Variants in STARD10 observed in about 807,000 individuals in gnomAD.
STARD10 encodes StAR related lipid transfer domain containing 10.
STARD10 carries 24 observed loss-of-function variants against 36.0 expected under a neutral mutation model. That is an observed-to-expected ratio of 0.67 (90% CI 0.48 to 0.94). The LOEUF is 0.94. STARD10 is among the 40% of genes least tolerant of loss of function. The pLI is 0.00. For synonymous variants in STARD10, 156 were observed against 161.9 expected (o/e 0.96, Z 0.28); for missense variants, 335 against 396.6 (o/e 0.84, Z 1.32).
At position 72,755,741 on chromosome 11, in the gene STARD10, T is replaced by G. The variant is rs754719737; in HGVS notation, c.590A>C (p.Lys197Thr). 5 of 1,613,210 alleles carry G rather than the reference T, an allele frequency of 3.1e-6. No homozygotes were observed. In the East Asian group the frequency reaches 1.1e-4, roughly 36 times the overall value. ...CTGAGAAGATTTATTCACCACCCACTTGGGTAAGGAGCCTGTGAGGGCAGG... is the reference window on the plus strand; with the variant it reads ...CTGAGAAGATTTATTCACCACCCACGTGGGTAAGGAGCCTGTGAGGGCAGG... ...AQVDPKGSLPKWVVNKSSQFL... is the reference protein window; with the variant it reads ...AQVDPKGSLPTWVVNKSSQFL... Residue 197 changes from lysine to threonine, a missense_variant, in exon 6 of 7, where the codon AAG becomes ACG. Coordinates refer to ENST00000334805, the MANE Select transcript of STARD10 (RefSeq NM_006645.3).
chr11:72,776,193 C>T (rs756931482), intron 2 of STARD10, among the ~76,000 whole-genome samples: 3 of 152,150 alleles, frequency 2.0e-5, no homozygotes, highest in Admixed American at 6.5e-5. Flanking sequence ...CTGGCAAGAC[C>T]TTAGCCACCA....
intron 2 of STARD10, chr11:72,780,661 G>T: frequency 2.3e-6 from 1 of 438,988 alleles, no homozygotes; most frequent in Non-Finnish European, 4.3e-6. Flanking sequence ...CAGCAGAGGG[G>T]TCCCTGAGGG....
rs1305019622 is a variant in STARD10, at chr11:72,793,757, T to C, written c.-996A>G. ...GGCCGCGAAGCCCCGCGTTTGCGCG[T>C]GCGCTTCCCGCCCGGGACCGCCCAG... is the stretch of plus-strand genomic sequence containing the variant. On this transcript the variant is annotated 5_prime_UTR_variant, in exon 1 of 7. Coordinates refer to ENST00000334805, the MANE Select transcript of STARD10 (RefSeq NM_006645.3). The C allele has an allele frequency of 6.6e-6, 1 of 152,182 alleles. No homozygotes were observed. The highest frequency in any genetic ancestry group is 2.4e-5 in the African/African-American group (1 of 41,466). 9.4% of individuals were successfully genotyped at this position (152,182 alleles called of 1,614,324 possible). A position where few individuals can be genotyped will look rare whatever the true frequency, so the allele number is the denominator to read the frequency against.
At position 72,781,278 on chromosome 11, in the gene STARD10, C is replaced by A. The variant is rs929369435; in HGVS notation, c.-97G>T. The A allele has an allele frequency of 2.3e-5, 25 of 1,069,198 alleles. No individual in the cohort carries two copies. Among genetic ancestry groups the A allele is most frequent in the Non-Finnish European group, 3.4e-5 (25 of 735,116 alleles). 66.2% of individuals were successfully genotyped at this position (1,069,198 alleles called of 1,614,324 possible). On this transcript the variant is annotated 5_prime_UTR_variant, in exon 2 of 7. Transcript: ENST00000334805. This position sits in a 1 kb window ranked among gnomAD's most constrained non-coding sequence, Gnocchi z 4.7. ...ACGTCGACGCGGCTGCAGATGCTGA[C>A]GCCACCTTCCTGGGACCTGCAAGAC...
At chr11:72,780,394 G>A (rs1290483960) in intron 2 of STARD10, 8 of 451,182 alleles carry the variant, frequency 1.8e-5, no homozygotes, top group Non-Finnish European at 3.6e-5. Flanking sequence ...CAAGGCAGGG[G>A]TATTGGAGCC....
At chr11:72,786,875 T>C (rs532140154) in intron 1 of STARD10, among the ~76,000 whole-genome samples, 1 of 151,354 alleles carries the variant, frequency 6.6e-6, no homozygotes, top group South Asian at 2.1e-4. Flanking sequence ...AGGCCAGGAG[T>C]TGGAGACCAG....
At chr11:72,775,780 T>A (rs552874452) in intron 2 of STARD10, among the ~76,000 whole-genome samples, 2 of 152,196 alleles carry the variant, frequency 1.3e-5, no homozygotes, top group East Asian at 1.9e-4. Context: ...AGGGTAATGA[T>A]GGATGCTTGC....
intron 2 of STARD10, among the ~76,000 whole-genome samples, chr11:72,770,361 G>C (rs1459754644): frequency 6.6e-6 from 1 of 152,170 alleles, no homozygotes; most frequent in Admixed American, 6.5e-5. Context: ...GGGATTACAG[G>C]TGTGTGCCAT....
chr11:72,768,247 G>C (rs2135616726), intron 2 of STARD10, among the ~76,000 whole-genome samples: 1 of 152,208 alleles, frequency 6.6e-6, no homozygotes, highest in South Asian at 2.1e-4. Context: ...CAGCGCCAGT[G>C]CCCCTCTGCT....
Position 72,754,837 on chromosome 11 carries a change from G to C in STARD10, c.*60C>G. 1.3e-6 allele frequency: 2 copies of C among 1,553,976 alleles called. No individual in the cohort carries two copies. Among genetic ancestry groups the C allele is most frequent in the Non-Finnish European group, 1.7e-6 (2 of 1,157,318 alleles). ...GGGTGGGGGAGGGGAGAAAGTGCAG[G>C]AGCGGCCGCCGCCCCAGGGCTCGCC... On this transcript the variant is annotated 3_prime_UTR_variant, in exon 7 of 7. Coordinates refer to ENST00000334805, the MANE Select transcript of STARD10 (RefSeq NM_006645.3).
Position 72,776,702 on chromosome 11 carries a change from C to T in STARD10, c.207+4273G>A, listed in dbSNP as rs79089726. Among the ~76,000 whole-genome samples the T allele has an allele frequency of 7.4e-3, 1,131 of 152,194 alleles. 50 individuals are homozygous for T. The East Asian group carries it at 0.1, about 14-fold the overall frequency. On this transcript the variant is annotated intron_variant, in intron 2 of 6. Transcript: ENST00000334805. ...TGGGATTAAGGAGACCTGTCCCACA[C>T]GTGGCCCTGACCTTCCCCATGACCC...
chr11:72,755,881 G>A (rs143151673), intron 5 of STARD10, 128 bp from the exon 6 acceptor site: 10,318 of 820,990 alleles, frequency 0.013, 216 homozygotes, highest in Non-Finnish European at 0.01. Context: ...AGGTGTGTGA[G>A]GCAAGTCCTA....
chr11:72,767,750 C>T (rs1052893138), intron 2 of STARD10, among the ~76,000 whole-genome samples: 24 of 152,230 alleles, frequency 1.6e-4, no homozygotes, highest in African/African-American at 5.5e-4. Flanking sequence ...AGTGCTGGTC[C>T]ATCTGTGTCA....
intron 1 of STARD10, among the ~76,000 whole-genome samples, chr11:72,784,485 A>C (rs1282310600): frequency 6.6e-6 from 1 of 152,198 alleles, no homozygotes; most frequent in Non-Finnish European, 1.5e-5. Flanking sequence ...AGTAACTAAA[A>C]ATATAACTGG....
In STARD10 at chr11:72,781,190, T is replaced by C. The variant is rs770856803; in HGVS notation, c.-9A>G. 19 of 1,606,590 alleles carry C rather than the reference T, an allele frequency of 1.2e-5. No homozygotes were observed. In the South Asian group the frequency reaches 2.0e-4, roughly 17 times the overall value. ...GCCGCCAGCTTCTCCATGGGGAGTG[T>C]GGGGAGGCCCAGGGCCCTGGTCCTA... On this transcript the variant is annotated 5_prime_UTR_variant, in exon 2 of 7. Coordinates refer to ENST00000334805, the MANE Select transcript of STARD10 (RefSeq NM_006645.3). The surrounding 1 kb of genome is among the most constrained non-coding windows in gnomAD (Gnocchi z 4.7).
chr11:72,772,243 G>A (rs1405601314), intron 2 of STARD10, among the ~76,000 whole-genome samples: 1 of 146,002 alleles, frequency 6.8e-6, no homozygotes, highest in Non-Finnish European at 1.5e-5. Context: ...TGGCTCCCCT[G>A]TGCCCGGTGC....
chr11:72,766,854 C>T (rs1228294261), intron 2 of STARD10, among the ~76,000 whole-genome samples: 1 of 152,206 alleles, frequency 6.6e-6, no homozygotes, highest in Non-Finnish European at 1.5e-5. Context: ...TAAGGCTAAT[C>T]CTCCCTCCAA....
At chr11:72,758,000 A>T (rs771933155) in intron 4 of STARD10, 116 bp from the exon 5 acceptor site, 94 of 902,984 alleles carry the variant, frequency 1.0e-4, no homozygotes, top group Non-Finnish European at 1.6e-4. Context: ...ACATGCCGTG[A>T]CATCTGTTAC....
intron 2 of STARD10, among the ~76,000 whole-genome samples, chr11:72,773,858 A>C (rs371908548): frequency 1.1e-4 from 16 of 152,378 alleles, no homozygotes; most frequent in African/African-American, 3.6e-4. Context: ...AACCCATGAC[A>C]GCAGGGTCTG....
Sources: allele counts gnomAD v4.1 joint callset (sites outside exome capture counted in the v4.1 genomes callset), GRCh38; gene constraint gnomAD v4.1.1; non-coding constraint Gnocchi (gnomAD v3.1); transcripts MANE v1.5; gene names NCBI Gene and HGNC (gene_info 2026-07-23, HGNC 2026-07-21).